CD247: variants seen among roughly 807,000 people sequenced by gnomAD.
The protein encoded by CD247 is T-cell surface glycoprotein CD3 zeta chain.
In CD247, 13 loss-of-function variants were observed where a neutral mutation model predicts 30.0. The ratio of observed to expected loss-of-function variants is 0.43; its 90% confidence interval spans 0.28 to 0.69. The LOEUF is 0.69. CD247 is among the 30% of genes least tolerant of loss of function. CD247 has a pLI of 0.16. For synonymous variants in CD247, 72 were observed against 80.0 expected (o/e 0.90, Z 0.53); for missense variants, 193 against 212.6 (o/e 0.91, Z 0.57).
intron 1 of CD247, among the ~76,000 whole-genome samples, chr1:167,497,146 A>G (rs1206832859): frequency 2.0e-5 from 3 of 152,242 alleles, no homozygotes; most frequent in African/African-American, 7.2e-5. Context: ...AAGTTGATGT[A>G]GAGACATAGT....
chr1:167,453,955 C>A (rs1652499561), intron 1 of CD247, among the ~76,000 whole-genome samples: 1 of 151,998 alleles, frequency 6.6e-6, no homozygotes, highest in African/African-American at 2.4e-5. Flanking sequence ...CAGAGTTAGA[C>A]CCTGCCTCAA....
intron 7 of CD247, 127 bp from the exon 8 acceptor site, chr1:167,431,873 CAGGAA>C (rs1242689236): frequency 2.4e-5 from 19 of 801,158 alleles, no homozygotes; most frequent in Non-Finnish European, 3.8e-5. Flanking sequence ...TCCAGAGGCC[CAGGAA>C]TAATCCCCCT....
chr1:167,480,360 T>C (rs770930843), intron 1 of CD247, among the ~76,000 whole-genome samples: 1 of 152,074 alleles, frequency 6.6e-6, no homozygotes, highest in Non-Finnish European at 1.5e-5. Context: ...GCCACACAAG[T>C]CTTTAATACA....
intron 1 of CD247, among the ~76,000 whole-genome samples, chr1:167,466,743 G>A (rs1387501035): frequency 3.9e-5 from 6 of 152,200 alleles, no homozygotes; most frequent in Non-Finnish European, 7.3e-5. Context: ...GTAAAGACCA[G>A]GCAATGTGAG....
At chr1:167,434,144 C>A (rs1157637406) in intron 5 of CD247, 68 bp from the exon 6 acceptor site, 10 of 1,445,386 alleles carry the variant, frequency 6.9e-6, no homozygotes, top group Non-Finnish European at 8.8e-6. Flanking sequence ...TCCCCTACAA[C>A]AGGAAGCTTC....
chr1:167,511,194 C>T (rs538380596), intron 1 of CD247, among the ~76,000 whole-genome samples: 81 of 152,296 alleles, frequency 5.3e-4, no homozygotes, highest in African/African-American at 1.8e-3. Context: ...AGAGTCTGTG[C>T]GTGACGGTGT....
chr1:167,494,913 A>T lies in CD247; in HGVS notation c.58+23495T>A, dbSNP rs1186905805. Among the ~76,000 whole-genome samples, 1 of 152,218 alleles carries T rather than the reference A, an allele frequency of 6.6e-6. No individual in the cohort carries two copies. Among genetic ancestry groups the T allele is most frequent in the East Asian group, 1.9e-4 (1 of 5,194 alleles). ...AAGCAGTCCGGGTTCCAGAGAGCCC[A>T]GGTGACTTGCCTTGGCTGGGCTGGA... On this transcript the variant is annotated intron_variant, in intron 1 of 7. Transcript: ENST00000362089. The surrounding 1 kb of genome is among the most constrained non-coding windows in gnomAD (Gnocchi z 7.3).
At chr1:167,476,153 G>A (rs1446939384) in intron 1 of CD247, among the ~76,000 whole-genome samples, 7 of 152,178 alleles carry the variant, frequency 4.6e-5, no homozygotes, top group African/African-American at 7.2e-5. Flanking sequence ...AAAAGCAGTT[G>A]GTGAGAAGTG....
intron 1 of CD247, chr1:167,448,502 G>A: frequency 2.0e-6 from 2 of 985,420 alleles, no homozygotes; most frequent in Non-Finnish European, 1.2e-6. Flanking sequence ...GGGGTTGACA[G>A]ATACAGAAGG....
intron 1 of CD247, among the ~76,000 whole-genome samples, chr1:167,466,058 T>C (rs1311099692): frequency 6.6e-6 from 1 of 152,270 alleles, no homozygotes; most frequent in Non-Finnish European, 1.5e-5. Flanking sequence ...AATTCCTCTT[T>C]GGAGCTTTGC....
intron 1 of CD247, among the ~76,000 whole-genome samples, chr1:167,447,341 G>A (rs1652132384): frequency 6.6e-6 from 1 of 152,112 alleles, no homozygotes; most frequent in South Asian, 2.1e-4. Context: ...CATATAGAGA[G>A]CTTCCCACCT....
intron 1 of CD247, among the ~76,000 whole-genome samples, chr1:167,452,892 C>A (rs1473346389): frequency 6.6e-6 from 1 of 151,818 alleles, no homozygotes; most frequent in Admixed American, 6.6e-5. Context: ...GTAAGATACA[C>A]ACACACACTT....
At chr1:167,433,579 C>T (rs973660457) in intron 6 of CD247, among the ~76,000 whole-genome samples, 8 of 152,152 alleles carry the variant, frequency 5.3e-5, no homozygotes, top group African/African-American at 1.9e-4. Context: ...ACAGAGAACC[C>T]CTGCTTGGAA....
At chr1:167,477,277 G>T (rs1048836733) in intron 1 of CD247, among the ~76,000 whole-genome samples, 1 of 152,202 alleles carries the variant, frequency 6.6e-6, no homozygotes, top group Non-Finnish European at 1.5e-5. Flanking sequence ...GGAGGAAGAC[G>T]TTAAGAACAA....
intron 1 of CD247, among the ~76,000 whole-genome samples, chr1:167,443,868 A>G (rs1214619): frequency 0.98 from 148,816 of 152,258 alleles, 72,809 homozygotes; most frequent in Middle Eastern, 1. Flanking sequence ...GTCCCACTAT[A>G]CCTGTGCTGG....
intron 1 of CD247, among the ~76,000 whole-genome samples, chr1:167,464,476 C>T (rs1043768008): frequency 1.3e-4 from 20 of 152,174 alleles, no homozygotes; most frequent in Admixed American, 1.3e-4. Context: ...CCTCCAAGAA[C>T]GGCTCAGAAA....
chr1:167,499,307 A>G lies in CD247; in HGVS notation c.58+19101T>C, dbSNP rs535854184. On this transcript the variant is annotated intron_variant, in intron 1 of 7. Coordinates refer to ENST00000362089, the MANE Select transcript of CD247 (RefSeq NM_198053.3). ...CAGCCACAGAGAATTATCTGGCCCC[A>G]GGTGTTTTAGTGCAGAGGTCGAGAA... 1.8e-3 allele frequency among the ~76,000 whole-genome samples: 275 copies of G among 152,336 alleles called. 1 individual carries two copies. Among genetic ancestry groups the G allele is most frequent in the African/African-American group, 6.3e-3 (262 of 41,578 alleles).
chr1:167,458,689 C>CTTTCTTTTTTTTTTTTTT (rs1553231431), intron 1 of CD247: 10 of 95,426 alleles, frequency 1.0e-4, no homozygotes, highest in African/African-American at 3.7e-4. Context: ...TTCTTTCTTT[C>CTTTCTTTTTTTTTTTTTT]TTTTTTTTTT....
At chr1:167,449,158 T>TTTTTTTTTTTTTTTTTC (rs1652240058) in intron 1 of CD247, among the ~76,000 whole-genome samples, 1 of 138,182 alleles carries the variant, frequency 7.2e-6, no homozygotes, top group Non-Finnish European at 1.6e-5. Flanking sequence ...TCTTTTTTTT[T>TTTTTTTTTTTTTTTTTC]TTTTTTTTTT....
Sources: gnomAD v4.1 joint callset for allele counts (sites outside exome capture counted in the v4.1 genomes callset) on GRCh38, gnomAD v4.1.1 for gene constraint, Gnocchi (gnomAD v3.1) non-coding constraint, MANE v1.5 for transcripts, NCBI Gene and HGNC (gene_info 2026-07-23, HGNC 2026-07-21) for gene names.